Variants in TOPORS observed in about 807,000 individuals in gnomAD.
TOPORS encodes TOP1 binding arginine/serine rich protein, E3 ubiquitin ligase, also known as E3 ubiquitin-protein ligase Topors.
A neutral mutation model predicts 81.4 loss-of-function variants in TOPORS; 25 were observed. That is an observed-to-expected ratio of 0.31 (90% CI 0.22 to 0.43). The LOEUF is 0.43. TOPORS is among the 20% of genes least tolerant of loss of function. The pLI is 1.00. For missense variants in TOPORS, 1,101 were observed against 1,267.0 expected, an observed-to-expected ratio of 0.87 and a Z score of 1.99; for synonymous variants, 473 against 456.6, an observed-to-expected ratio of 1.04 and a Z score of -0.46.
In TOPORS at chr9:32,552,548, T is replaced by G. The variant is rs1821317971; in HGVS notation, c.-112A>C. 4.3e-6 allele frequency: 6 copies of G among 1,406,632 alleles called. No individual in the cohort carries two copies. Among genetic ancestry groups the G allele is most frequent in the Non-Finnish European group, 5.9e-6 (6 of 1,015,166 alleles). 87.1% of individuals were successfully genotyped at this position (1,406,632 alleles called of 1,614,324 possible). ...GGCCCGCAGGCGGAAAGGCCCTATT[T>G]CTTCAGCACCCAGAAACTCCAAAAT... On this transcript the variant is annotated 5_prime_UTR_variant, in exon 1 of 3. Coordinates refer to ENST00000360538, the MANE Select transcript of TOPORS (RefSeq NM_005802.5).
chr9:32,550,983 G>A lies in TOPORS; in HGVS notation c.4-15C>T, dbSNP rs1477373538. 2.6e-5 allele frequency: 42 copies of A among 1,608,664 alleles called. No homozygotes were observed. The highest frequency in any genetic ancestry group is 3.0e-5 in the Non-Finnish European group (35 of 1,179,708). The stretch of plus-strand genomic sequence containing the variant: ...GGCTGCGACCCCTGTGACGCAAAGG[G>A]CTCATCACCAATGGCAGCTCGGAAG... On this transcript the variant is annotated splice_polypyrimidine_tract_variant and intron_variant, in intron 1 of 2. Transcript: ENST00000360538.
chr9:32,543,218 G>C lies in TOPORS; in HGVS notation c.1307C>G (p.Ser436Cys), dbSNP rs368302118. 1 of 1,613,512 alleles carries C rather than the reference G, an allele frequency of 6.2e-7. No individual in the cohort carries two copies. The highest frequency in any genetic ancestry group is 1.3e-5 in the African/African-American group (1 of 74,938). Residue 436 changes from serine to cysteine, a missense_variant, in exon 3 of 3, where the codon TCT (serine) becomes TGT (cysteine). Physicochemically the swap from Ser to Cys is moderately radical, Grantham distance 112. This residue lies in a region of TOPORS where 103 missense variants were observed against 112.1 expected (regional missense o/e 0.92). Transcript: ENST00000360538. This position sits in a 1 kb window ranked among gnomAD's most constrained non-coding sequence, Gnocchi z 5.6. The stretch of plus-strand genomic sequence containing the variant: ...ACTGTCAGAAGTATTTAAAAGAGAA[G>C]ACATAGTAACGTGTACCTGCTCTGA... ...SSSEQVHVTM[S>C]SLLNTSDSSD...
chr9:32,541,107 T>C lies in TOPORS; in HGVS notation c.*280A>G. On this transcript the variant is annotated 3_prime_UTR_variant, in exon 3 of 3. Coordinates refer to ENST00000360538, the MANE Select transcript of TOPORS (RefSeq NM_005802.5). The stretch of plus-strand genomic sequence containing the variant: ...TGGCTTTATGAAATAACTTCTAAAA[T>C]TTATATAATTTTTCTTATTTAAAAA... 3.7e-6 allele frequency: 1 copy of C among 269,020 alleles called. No individual in the cohort carries two copies. The highest frequency in any genetic ancestry group is 7.8e-5 in the East Asian group (1 of 12,768). 16.7% of individuals were successfully genotyped at this position (269,020 alleles called of 1,614,324 possible).
In TOPORS at chr9:32,542,000, G is replaced by C; in HGVS notation, c.2525C>G (p.Thr842Ser). Residue 842 changes from threonine (T) to serine (S), a missense_variant, in exon 3 of 3, where the codon ACC becomes AGC. Around this residue, in one of 9 missense-constraint regions of TOPORS, gnomAD observed 605 missense variants for 636.1 expected, o/e 0.95. Coordinates refer to ENST00000360538, the MANE Select transcript of TOPORS (RefSeq NM_005802.5). ...LDGNYKNESDTFSDSRSSDRE... is the reference protein window; with the variant it reads ...LDGNYKNESDSFSDSRSSDRE... ...GTCTGATGATCGGCTGTCTGAAAAG[G>C]TATCACTCTCATTTTTGTAGTTTCC... 2 of 1,613,974 alleles carry C rather than the reference G, an allele frequency of 1.2e-6. No homozygotes were observed. Among genetic ancestry groups the C allele is most frequent in the Non-Finnish European group, 1.7e-6 (2 of 1,180,018 alleles).
chr9:32,548,259 C>T (rs916035405), intron 2 of TOPORS, among the ~76,000 whole-genome samples: 1 of 151,552 alleles, frequency 6.6e-6, no homozygotes, highest in Non-Finnish European at 1.5e-5. Flanking sequence ...CGCGGTGGCT[C>T]ACGCCTGTAA....
chr9:32,551,053 A>G, intron 1 of TOPORS, 85 bp from the exon 2 acceptor site: 2 of 1,457,260 alleles, frequency 1.4e-6, no homozygotes, highest in Non-Finnish European at 1.9e-6. Context: ...GCGCATCAAA[A>G]CACAACACCC....
At position 32,542,612 on chromosome 9, in the gene TOPORS, C is replaced by G. The variant is rs769612556; in HGVS notation, c.1913G>C (p.Arg638Thr). The G allele has an allele frequency of 1.2e-6, 2 of 1,614,122 alleles. No individual in the cohort carries two copies. The highest frequency in any genetic ancestry group is 1.7e-5 in the Admixed American group (1 of 60,020). The change falls in exon 3 of 3, where the codon AGA becomes ACA. Residue 638 changes from arginine to threonine, a missense_variant. Coordinates refer to ENST00000360538, the MANE Select transcript of TOPORS (RefSeq NM_005802.5). ...TGATCTCTTTTTGTCTCTTCTCCCT[C>G]TAGGTCTGCTACTTTCCCTGCTTCT... ...RSRSRESSRP[R>T]GRRDKKRSRT... is the part of the protein sequence containing the mutation.
In TOPORS at chr9:32,541,810, T is replaced by G. The variant is rs1587620604; in HGVS notation, c.2715A>C (p.Pro905=). ...KHHGDNASRS[P]VVITIDSDSD... ...TGTCACTGTCAATGGTAATTACAACTGGGGAACGTGAAGCATTATCTCCAT... is the reference window on the plus strand; with the variant it reads ...TGTCACTGTCAATGGTAATTACAACGGGGGAACGTGAAGCATTATCTCCAT... The change falls in exon 3 of 3, where the codon CCA becomes CCC. Residue 905 remains proline, a synonymous_variant. Transcript: ENST00000360538. 6.2e-7 allele frequency: 1 copy of G among 1,614,226 alleles called. No individual in the cohort carries two copies. Among genetic ancestry groups the G allele is most frequent in the East Asian group, 2.2e-5 (1 of 44,882 alleles).
chr9:32,542,123 C>T lies in TOPORS; in HGVS notation c.2402G>A (p.Arg801Gln), dbSNP rs1297168723. Residue 801 changes from arginine (R) to glutamine (Q), a missense_variant, in exon 3 of 3, where the codon CGG (arginine) becomes CAG (glutamine). By Grantham distance (43) the Arg-to-Gln change is conservative. Transcript: ENST00000360538. ...KPGGKRKYKT[R>Q]HLEGTNEVAQ... The stretch of plus-strand genomic sequence containing the variant: ...CACTTCGTTAGTACCCTCCAAATGC[C>T]GTGTTTTGTATTTTCGTTTCCCTCC... 3 of 1,614,058 alleles carry T rather than the reference C, an allele frequency of 1.9e-6. No homozygotes were observed. Among genetic ancestry groups the T allele is most frequent in the Non-Finnish European group, 2.5e-6 (3 of 1,180,002 alleles).
chr9:32,547,713 T>C (rs1281590138), intron 2 of TOPORS, among the ~76,000 whole-genome samples: 1 of 152,236 alleles, frequency 6.6e-6, no homozygotes, highest in East Asian at 1.9e-4. Context: ...GGTTTATTTC[T>C]GGGGTGATGA....
chr9:32,544,004 G>A lies in TOPORS; in HGVS notation c.521C>T (p.Pro174Leu), dbSNP rs1390154604. The change falls in exon 3 of 3, where the codon CCT (proline) becomes CTT (leucine). Residue 174 changes from proline (P) to leucine (L), a missense_variant. Transcript: ENST00000360538. ...TGTACGGTAGCGAAATCGTCGATCA[G>A]GGGTGACAAAAGAACCATTATACGA... ...RPSYNGSFVT[P>L]DRRFRYRTTL... 1 of 1,614,144 alleles carries A rather than the reference G, an allele frequency of 6.2e-7. No individual in the cohort carries two copies. The highest frequency in any genetic ancestry group is 8.5e-7 in the Non-Finnish European group (1 of 1,180,022).
intron 1 of TOPORS, 99 bp downstream of exon 1, chr9:32,552,335 C>A: frequency 1.3e-6 from 2 of 1,535,836 alleles, no homozygotes; most frequent in Non-Finnish European, 1.8e-6. Context: ...TCGTGCCCGG[C>A]TAAAAGATGG....
chr9:32,547,999 A>ATTTT lies in TOPORS; in HGVS notation c.198+2771_198+2774dup, dbSNP rs747727912. Among the ~76,000 whole-genome samples, 273 of 83,706 alleles carry ATTTT rather than the reference A, an allele frequency of 3.3e-3. 5 individuals are homozygous for ATTTT. Among genetic ancestry groups the ATTTT allele is most frequent in the Non-Finnish European group, 4.8e-3 (214 of 44,920 alleles). The allele number at this position is 83,706 out of a possible 152,430, so 54.9% of individuals were successfully genotyped here. On this transcript the variant is annotated intron_variant, in intron 2 of 2. Transcript: ENST00000360538. ...ACAGGCGCCCGCCACCACGCTCGGC[A>ATTTT]TTTTTTTTTTTTTTTTTTTTTTTTG...
chr9:32,546,022 T>G (rs1343202368), intron 2 of TOPORS, among the ~76,000 whole-genome samples: 1 of 152,222 alleles, frequency 6.6e-6, no homozygotes, highest in Non-Finnish European at 1.5e-5. Context: ...ACCTGCTCAC[T>G]TTAGGGCATC....
chr9:32,551,984 G>A (rs974492291), intron 1 of TOPORS, among the ~76,000 whole-genome samples: 1 of 152,042 alleles, frequency 6.6e-6, no homozygotes, highest in Non-Finnish European at 1.5e-5. Context: ...ATCAGATGCG[G>A]GGAGGCGTGG....
In TOPORS at chr9:32,541,420, T is replaced by C; in HGVS notation, c.3105A>G (p.Ser1035=). 3 of 1,614,196 alleles carry C rather than the reference T, an allele frequency of 1.9e-6. No homozygotes were observed. Among genetic ancestry groups the C allele is most frequent in the Non-Finnish European group, 1.7e-6 (2 of 1,180,026 alleles). The change falls in exon 3 of 3, where the codon TCA becomes TCG. Residue 1035 remains serine (S), a synonymous_variant. Transcript: ENST00000360538. ...QLPSPRTSLM[S]VCLGRDCDMS Reference sequence around the variant, plus strand: ...TATCACAGTCTCTACCAAGACATACTGACATTAATGATGTCCGTGGCGATG... The same window carrying C: ...TATCACAGTCTCTACCAAGACATACCGACATTAATGATGTCCGTGGCGATG...
intron 1 of TOPORS, 38 bp from the exon 2 acceptor site, chr9:32,551,006 A>G: frequency 6.2e-7 from 1 of 1,602,910 alleles, no homozygotes. Flanking sequence ...GGCAGCTCGG[A>G]AGCAGGGCAG....
At chr9:32,547,413 C>T (rs1821154326) in intron 2 of TOPORS, among the ~76,000 whole-genome samples, 1 of 152,126 alleles carries the variant, frequency 6.6e-6, no homozygotes, top group South Asian at 2.1e-4. Context: ...ATATTCACAG[C>T]AACTTTAGTC....
At chr9:32,550,695 G>T in intron 2 of TOPORS, 79 bp downstream of exon 2, 1 of 1,560,452 alleles carries the variant, frequency 6.4e-7, no homozygotes, top group Non-Finnish European at 8.8e-7. Context: ...CTCGGGTCCC[G>T]AGGCGCCGCT....
Sources: allele counts gnomAD v4.1 joint callset (sites outside exome capture counted in the v4.1 genomes callset), GRCh38; gene constraint gnomAD v4.1.1; regional missense constraint gnomAD v4.1.1; non-coding constraint Gnocchi (gnomAD v3.1); transcripts MANE v1.5; gene names NCBI Gene and HGNC (gene_info 2026-07-23, HGNC 2026-07-21).